The following CEP170 variants were observed in gnomAD, a reference collection of about 807,000 sequenced individuals.
CEP170 encodes centrosomal protein of 170 kDa.
In CEP170, 21 loss-of-function variants were observed where a neutral mutation model predicts 151.9. The observed-to-expected ratio is 0.14, with a 90% CI of 0.10 to 0.20. The LOEUF is 0.20. CEP170 is among the 10% of genes least tolerant of loss of function. The pLI is 1.00. For synonymous variants in CEP170, 356 were observed against 648.8 expected (o/e 0.55, Z 6.86); for missense variants, 964 against 1,892.9 (o/e 0.51, Z 9.11).
chr1:243,201,950 C>G (rs1288014111), intron 4 of CEP170, among the ~76,000 whole-genome samples: 1 of 152,054 alleles, frequency 6.6e-6, no homozygotes, highest in Non-Finnish European at 1.5e-5. Context: ...CATTCATACA[C>G]TGGTATATAT....
At chr1:243,229,390 C>T (rs1037278072) in intron 1 of CEP170, among the ~76,000 whole-genome samples, 5 of 151,828 alleles carry the variant, frequency 3.3e-5, no homozygotes, top group Non-Finnish European at 7.4e-5. Flanking sequence ...ATATACATTA[C>T]GTTTCGGCAT....
Position 243,164,793 on chromosome 1 carries a change from G to A in CEP170, c.3167C>T (p.Pro1056Leu). 6.2e-7 allele frequency: 1 copy of A among 1,612,604 alleles called. No individual in the cohort carries two copies. The highest frequency in any genetic ancestry group is 2.2e-5 in the East Asian group (1 of 44,828). Residue 1056 changes from proline to leucine, a missense_variant, in exon 13 of 20, where the codon CCA becomes CTA. Transcript: ENST00000366542. The part of the protein sequence containing the change: ...TYSCKPHGRT[P>L]LTSADEHVHS... ...TACATGCTCATCAGCTGAGGTAAGT[G>A]GAGTCCGTCCATGAGGTTTACAAGA...
intron 3 of CEP170, among the ~76,000 whole-genome samples, chr1:243,214,907 A>AT (rs941587751): frequency 2.0e-5 from 3 of 152,014 alleles, no homozygotes; most frequent in Non-Finnish European, 4.4e-5. Flanking sequence ...TTTGTACAAT[A>AT]TTTTTTTTAA....
rs2053623645 is a variant in CEP170, at chr1:243,125,444, T to C, written c.*1005A>G. 6.5e-6 allele frequency: 1 copy of C among 152,740 alleles called. No homozygotes were observed. The highest frequency in any genetic ancestry group is 1.5e-5 in the Non-Finnish European group (1 of 68,122). 9.5% of individuals were successfully genotyped at this position (152,740 alleles called of 1,614,324 possible). A position where few individuals can be genotyped will look rare whatever the true frequency, so the allele number is the denominator to read the frequency against. On this transcript the variant is annotated 3_prime_UTR_variant, in exon 20 of 20. Transcript: ENST00000366542. ...TGAAACTATCAACTAATCTTACGAC[T>C]ACTGGTTCTCCAAGTCCCCTAATGA... is the stretch of plus-strand genomic sequence containing the variant.
intron 14 of CEP170, 78 bp downstream of exon 14, chr1:243,156,143 G>A: frequency 6.8e-7 from 1 of 1,474,904 alleles, no homozygotes; most frequent in Non-Finnish European, 9.0e-7. Flanking sequence ...TAAAAATCAA[G>A]TACAAGCTAA....
At chr1:243,197,428 C>CT (rs1042141119) in intron 7 of CEP170, among the ~76,000 whole-genome samples, 6 of 152,090 alleles carry the variant, frequency 3.9e-5, no homozygotes, top group Non-Finnish European at 8.8e-5. Context: ...TAAGGATAAT[C>CT]TAACTTGCCT....
chr1:243,168,922 T>G (rs1452825551), intron 12 of CEP170, among the ~76,000 whole-genome samples: 1 of 151,464 alleles, frequency 6.6e-6, no homozygotes, highest in Non-Finnish European at 1.5e-5. Flanking sequence ...AAGTAGGCAC[T>G]CAATAAATAT....
At chr1:243,194,964 A>G (rs1207142280) in intron 7 of CEP170, among the ~76,000 whole-genome samples, 2 of 151,824 alleles carry the variant, frequency 1.3e-5, no homozygotes, top group Non-Finnish European at 2.9e-5. Context: ...GTGTTACCTT[A>G]ACACAATATG....
At chr1:243,197,289 A>T (rs1186671112) in intron 7 of CEP170, among the ~76,000 whole-genome samples, 1 of 152,036 alleles carries the variant, frequency 6.6e-6, no homozygotes, top group African/African-American at 2.4e-5. Context: ...TTCTTTCAAT[A>T]TCCTTTCCCT....
intron 8 of CEP170, among the ~76,000 whole-genome samples, chr1:243,190,094 T>C (rs1338144557): frequency 3.3e-5 from 5 of 152,214 alleles, no homozygotes; most frequent in African/African-American, 9.6e-5. Context: ...AGTCTTGTCA[T>C]TGACAGAGAA....
upstream of CEP170, chr1:243,255,283 G>C (rs990582922): frequency 1.3e-5 from 2 of 152,826 alleles, no homozygotes; most frequent in African/African-American, 2.4e-5. Context: ...TCGGGAAAGG[G>C]CGAGGAGCCG....
At chr1:243,138,225 T>C (rs1165441999) in intron 16 of CEP170, among the ~76,000 whole-genome samples, 1 of 152,218 alleles carries the variant, frequency 6.6e-6, no homozygotes, top group Non-Finnish European at 1.5e-5. Flanking sequence ...TTTTATTATG[T>C]TTGGAGAAAT....
At chr1:243,235,021 G>A (rs1340898372) in intron 1 of CEP170, among the ~76,000 whole-genome samples, 1 of 152,064 alleles carries the variant, frequency 6.6e-6, no homozygotes, top group Admixed American at 6.5e-5. Flanking sequence ...TGTTACACAT[G>A]AGGACCCCAT....
chr1:243,189,619 T>C (rs1572148694), intron 8 of CEP170, among the ~76,000 whole-genome samples: 3 of 151,734 alleles, frequency 2.0e-5, no homozygotes, highest in Non-Finnish European at 2.9e-5. Context: ...TTATAATGAC[T>C]AAGTTATAAA....
chr1:243,233,516 G>A (rs1031849445), intron 1 of CEP170, among the ~76,000 whole-genome samples: 9 of 151,750 alleles, frequency 5.9e-5, no homozygotes, highest in Non-Finnish European at 8.8e-5. Context: ...GGCAGATCAC[G>A]AGGTCAGGAG....
chr1:243,247,605 C>T (rs990246588), intron 1 of CEP170, among the ~76,000 whole-genome samples: 7 of 152,150 alleles, frequency 4.6e-5, no homozygotes, highest in African/African-American at 1.2e-4. Context: ...CCACCCGCTT[C>T]GGCCTCCCAA....
intron 14 of CEP170, among the ~76,000 whole-genome samples, chr1:243,155,850 A>G (rs2057498934): frequency 2.0e-5 from 3 of 152,142 alleles, no homozygotes; most frequent in African/African-American, 7.2e-5. Flanking sequence ...ATACTATTAC[A>G]TCTTTGGAAG....
chr1:243,244,601 T>C (rs535391643), intron 1 of CEP170, among the ~76,000 whole-genome samples: 5 of 151,872 alleles, frequency 3.3e-5, no homozygotes, highest in Admixed American at 2.0e-4. Flanking sequence ...AAAAATTAAC[T>C]GGGCCTGGTG....
At chr1:243,221,856 G>C (rs779935427) in intron 2 of CEP170, 43 bp from the exon 3 acceptor site, 2 of 1,534,416 alleles carry the variant, frequency 1.3e-6, no homozygotes, top group Non-Finnish European at 1.8e-6. Flanking sequence ...GAAAATACTA[G>C]AATAAATACC....
Sources: gnomAD v4.1 joint callset for allele counts (sites outside exome capture counted in the v4.1 genomes callset) on GRCh38, gnomAD v4.1.1 for gene constraint, MANE v1.5 for transcripts, NCBI Gene and HGNC (gene_info 2026-07-23, HGNC 2026-07-21) for gene names.